The following THSD4 variants were observed in gnomAD, a reference collection of about 807,000 sequenced individuals.
THSD4 encodes thrombospondin type-1 domain-containing protein 4.
In THSD4, 69 loss-of-function variants were observed where a neutral mutation model predicts 119.0. That is an observed-to-expected ratio of 0.58 (90% confidence interval 0.48 to 0.71). The LOEUF (loss-of-function observed/expected upper bound fraction) is 0.71, where lower values mean the gene tolerates loss of function less well. Among genes scored for constraint, THSD4 ranks in the 30% least tolerant of loss-of-function variants. The pLI is 0.00. For synonymous variants in THSD4, 524 were observed against 540.4 expected (o/e 0.97, Z 0.42); for missense variants, 1,393 against 1,391.1 (o/e 1.00, Z -0.02).
intron 6 of THSD4, among the ~76,000 whole-genome samples, chr15:71,270,353 G>A (rs551279071): frequency 1.1e-4 from 17 of 152,282 alleles, no homozygotes; most frequent in African/African-American, 4.1e-4. Flanking sequence ...ACTGGAGAAA[G>A]GATTCCCTAT....
At chr15:71,755,480 T>A (rs190441689) in intron 14 of THSD4, among the ~76,000 whole-genome samples, 5 of 152,220 alleles carry the variant, frequency 3.3e-5, no homozygotes, top group African/African-American at 1.2e-4. Context: ...ATTGACTCTA[T>A]TTTTAAGAAA....
intron 7 of THSD4, among the ~76,000 whole-genome samples, chr15:71,461,514 T>G (rs1408728138): frequency 6.6e-6 from 1 of 152,166 alleles, no homozygotes; most frequent in Admixed American, 6.5e-5. Flanking sequence ...ACTTTCAGTC[T>G]CCTCTAGTAG....
intron 7 of THSD4, among the ~76,000 whole-genome samples, chr15:71,601,206 G>T (rs1043670733): frequency 6.6e-6 from 1 of 152,208 alleles, no homozygotes; most frequent in Non-Finnish European, 1.5e-5. Context: ...TTACCATTCT[G>T]TTCTACTAAA....
At chr15:71,412,760 G>C (rs983276235) in intron 7 of THSD4, among the ~76,000 whole-genome samples, 22 of 152,164 alleles carry the variant, frequency 1.4e-4, no homozygotes, top group Admixed American at 5.2e-4. Context: ...CATTTTGAAT[G>C]AGGAGGTTTC....
intron 6 of THSD4, among the ~76,000 whole-genome samples, chr15:71,395,954 A>ACACACACACACACACACACACAC (rs1566968379): frequency 1.8e-5 from 2 of 108,562 alleles, no homozygotes; most frequent in Non-Finnish European, 4.2e-5. Context: ...CACACACACA[A>ACACACACACACACACACACACAC]ACACAGACTT....
At chr15:71,414,252 G>A (rs1266986851) in intron 7 of THSD4, among the ~76,000 whole-genome samples, 1 of 152,204 alleles carries the variant, frequency 6.6e-6, no homozygotes, top group African/African-American at 2.4e-5. Context: ...AAGCATACTG[G>A]CATTTATTAG....
chr15:71,718,969 A>G (rs1293378845), intron 8 of THSD4, among the ~76,000 whole-genome samples: 1 of 152,138 alleles, frequency 6.6e-6, no homozygotes, highest in Non-Finnish European at 1.5e-5. Context: ...TACTTTTTTG[A>G]CCAGTTTATT....
intron 6 of THSD4, among the ~76,000 whole-genome samples, chr15:71,338,020 A>G (rs2045510900): frequency 6.6e-6 from 1 of 152,178 alleles, no homozygotes; most frequent in African/African-American, 2.4e-5. Context: ...GTACCTAGAA[A>G]AGAATTGTGC....
intron 6 of THSD4, among the ~76,000 whole-genome samples, chr15:71,282,457 A>C (rs886889857): frequency 8.4e-6 from 1 of 119,552 alleles, no homozygotes; most frequent in East Asian, 2.5e-4. Context: ...CTTGTTTGTA[A>C]ATGTGAGGTT....
At chr15:71,704,029 T>C (rs1595877261) in intron 8 of THSD4, among the ~76,000 whole-genome samples, 1 of 152,252 alleles carries the variant, frequency 6.6e-6, no homozygotes, top group East Asian at 1.9e-4. Flanking sequence ...TTTGTGTTTT[T>C]AGTAGAGACG....
At chr15:71,762,473 C>A (rs1419571561) in intron 15 of THSD4, among the ~76,000 whole-genome samples, 2 of 152,184 alleles carry the variant, frequency 1.3e-5, no homozygotes, top group African/African-American at 2.4e-5. Context: ...AAGACCACAG[C>A]GACCTGGGAA....
chr15:71,474,132 A>G (rs2047624218), intron 7 of THSD4, among the ~76,000 whole-genome samples: 1 of 152,224 alleles, frequency 6.6e-6, no homozygotes, highest in South Asian at 2.1e-4. Context: ...CACTGTTCAT[A>G]GCCTCTTGTG....
rs74647878 is a variant in THSD4 at position 71,256,076 on chromosome 15, G to A, written c.913-537G>A. ...TTTCTTGCCCCTATAACGATTCTGA[G>A]TTGGTATACATGAAGCCTGGGGATC... On this transcript the variant is annotated intron_variant, in intron 5 of 17. Transcript: ENST00000261862. Among the ~76,000 whole-genome samples the A allele has an allele frequency of 2.3e-3, 350 of 152,334 alleles. 2 individuals carry two copies. The highest frequency in any genetic ancestry group is 7.9e-3 in the African/African-American group (327 of 41,586).
At chr15:71,584,880 T>TAAAA (rs1224043276) in intron 7 of THSD4, among the ~76,000 whole-genome samples, 1 of 152,188 alleles carries the variant, frequency 6.6e-6, no homozygotes, top group Non-Finnish European at 1.5e-5. Flanking sequence ...TTTATCTTCA[T>TAAAA]GATTTCCATG....
chr15:71,763,910 A>G (rs2053669093), intron 15 of THSD4, among the ~76,000 whole-genome samples: 1 of 152,116 alleles, frequency 6.6e-6, no homozygotes, highest in African/African-American at 2.4e-5. Flanking sequence ...ACAAAAAAAT[A>G]CAAAAATTAG....
intron 7 of THSD4, among the ~76,000 whole-genome samples, chr15:71,631,552 G>GCA (rs1236314281): frequency 6.6e-6 from 1 of 152,214 alleles, no homozygotes; most frequent in Non-Finnish European, 1.5e-5. Context: ...AGATCAGGTA[G>GCA]CACCTCACAG....
intron 7 of THSD4, among the ~76,000 whole-genome samples, chr15:71,512,744 C>CT (rs76379658): frequency 1.7e-4 from 25 of 151,182 alleles, no homozygotes; most frequent in African/African-American, 5.8e-4. Flanking sequence ...CCTTTTTTTT[C>CT]TTTTTTTTAA....
Position 71,728,670 on chromosome 15 carries a change from T to C in THSD4, c.1479T>C (p.Thr493=). ...TYKRPNEISS[T]AGESFLAEGP... ...AGCGTCCAAATGAGATTTCGAGCAC[T>C]GCCGGAGAGTCCTTTTTGGCGGAAG... The change falls in exon 9 of 18, where the codon ACT becomes ACC. Residue 493 remains threonine, a synonymous_variant. Coordinates refer to ENST00000261862, the MANE Select transcript of THSD4 (RefSeq NM_024817.3). 2 of 1,614,242 alleles carry C rather than the reference T, an allele frequency of 1.2e-6. No individual in the cohort carries two copies. The highest frequency in any genetic ancestry group is 2.7e-5 in the African/African-American group (2 of 75,062).
chr15:71,582,150 T>G (rs779960884), intron 7 of THSD4, among the ~76,000 whole-genome samples: 2 of 152,100 alleles, frequency 1.3e-5, no homozygotes, highest in Non-Finnish European at 2.9e-5. Flanking sequence ...TTTCTATTTA[T>G]TTGTCTTCTT....
Sources: allele counts gnomAD v4.1 joint callset (sites outside exome capture counted in the v4.1 genomes callset), GRCh38; gene constraint gnomAD v4.1.1; transcripts MANE v1.5; gene names NCBI Gene and HGNC (gene_info 2026-07-23, HGNC 2026-07-21).